NRCAM: variants seen among roughly 807,000 people sequenced by gnomAD.
NRCAM encodes the protein NgCAM-related cell adhesion molecule.
A neutral mutation model predicts 156.5 loss-of-function variants in NRCAM; 83 were observed. The observed-to-expected ratio is 0.53, with a 90% CI of 0.44 to 0.64. The LOEUF (loss-of-function observed/expected upper bound fraction) is 0.64, where lower values mean the gene tolerates loss of function less well. Ranked by LOEUF, NRCAM falls within the 30% of genes least tolerant of loss-of-function variation. The probability of loss-of-function intolerance (pLI) is 0.00; values close to 1 mark genes in which losing one functional copy is unlikely to be tolerated. For missense variants in NRCAM, 1,417 were observed against 1,597.3 expected (o/e 0.89, Z 1.92); for synonymous variants, 538 against 563.9 (o/e 0.95, Z 0.65).
intron 2 of NRCAM, among the ~76,000 whole-genome samples, chr7:108,331,374 C>G (rs756718289): frequency 4.6e-5 from 7 of 152,092 alleles, no homozygotes; most frequent in South Asian, 4.2e-4. Flanking sequence ...GTACTCCATC[C>G]TGGGCAACAG....
intron 3 of NRCAM, among the ~76,000 whole-genome samples, chr7:108,259,707 G>A (rs773963402): frequency 9.9e-5 from 15 of 152,190 alleles, no homozygotes. Flanking sequence ...CATGGATGGA[G>A]CTGGAAGCCA....
chr7:108,239,549 G>C (rs577132814), intron 4 of NRCAM, among the ~76,000 whole-genome samples: 1 of 152,134 alleles, frequency 6.6e-6, no homozygotes. Flanking sequence ...CATATGACGG[G>C]AAAGAGTAAA....
rs755368509 is a variant in NRCAM at position 108,182,695 on chromosome 7, G to C, written c.2530C>G (p.Leu844Val). 6.2e-7 allele frequency: 1 copy of C among 1,613,342 alleles called. No homozygotes were observed. The highest frequency in any genetic ancestry group is 1.1e-5 in the South Asian group (1 of 91,038). The change falls in exon 23 of 33, where the codon CTC becomes GTC. Residue 844 changes from leucine to valine, a missense_variant and splice_region_variant. Physicochemically the swap from Leu to Val is conservative, Grantham distance 32. Coordinates refer to ENST00000379028, the MANE Select transcript of NRCAM (RefSeq NM_001037132.4). ...AAAAGTAGGAAATGGCATCACTTAC[G>C]GTCTTCTCCAGAATGTCCCATGACT... ...AVVMGHSGED[L>V]PMVAPGNVRV...
rs561229497 is a variant in NRCAM at position 108,387,548 on chromosome 7, T to A, written c.-174+11888A>T. ...GTAGGTATTTTTATCCTAGTTTTTTTAAAATTTATTTATTTATTTACTTTT... is the reference window on the plus strand; with the variant it reads ...GTAGGTATTTTTATCCTAGTTTTTTAAAAATTTATTTATTTATTTACTTTT... On this transcript the variant is annotated intron_variant, in intron 2 of 32. Coordinates refer to ENST00000379028, the MANE Select transcript of NRCAM (RefSeq NM_001037132.4). Among the ~76,000 whole-genome samples, 28 of 152,270 alleles carry A rather than the reference T, an allele frequency of 1.8e-4. 2 individuals carry two copies. The highest frequency in any genetic ancestry group is 5.2e-4 in the Admixed American group (8 of 15,278).
intron 23 of NRCAM, 61 bp from the exon 24 acceptor site, chr7:108,181,998 T>C (rs906712529): frequency 7.9e-7 from 1 of 1,264,806 alleles, no homozygotes; most frequent in Non-Finnish European, 1.1e-6. Flanking sequence ...CATCCATAAA[T>C]ATGACTCTCT....
Position 108,368,755 on chromosome 7 carries a change from T to C in NRCAM, c.-174+30681A>G, listed in dbSNP as rs138027210. Among the ~76,000 whole-genome samples, 27 of 151,992 alleles carry C rather than the reference T, an allele frequency of 1.8e-4. No homozygotes were observed. In the East Asian group the frequency reaches 3.5e-3, roughly 20 times the overall value. On this transcript the variant is annotated intron_variant, in intron 2 of 32. Coordinates refer to ENST00000379028, the MANE Select transcript of NRCAM (RefSeq NM_001037132.4). Reference sequence around the variant, plus strand: ...AAAAACAAGCGTGAAGTAGAGCAAATAGCATGAGAAACCGTATATTTCTGA... The same window carrying C: ...AAAAACAAGCGTGAAGTAGAGCAAACAGCATGAGAAACCGTATATTTCTGA...
intron 13 of NRCAM, among the ~76,000 whole-genome samples, chr7:108,206,233 A>G (rs2081078145): frequency 6.6e-6 from 1 of 152,240 alleles, no homozygotes; most frequent in African/African-American, 2.4e-5. Context: ...CCTTGATGGT[A>G]AGAAACAGAG....
At chr7:108,293,999 TC>T (rs2098395447) in intron 3 of NRCAM, among the ~76,000 whole-genome samples, 1 of 152,102 alleles carries the variant, frequency 6.6e-6, no homozygotes, top group Non-Finnish European at 1.5e-5. Context: ...TTTCTCATAC[TC>T]TTACTAGTTG....
intron 2 of NRCAM, among the ~76,000 whole-genome samples, chr7:108,344,000 C>A (rs137895584): frequency 6.6e-6 from 1 of 152,132 alleles, no homozygotes; most frequent in Non-Finnish European, 1.5e-5. Flanking sequence ...GACCCCTGGA[C>A]TGGCCTGCTA....
intron 2 of NRCAM, among the ~76,000 whole-genome samples, chr7:108,328,076 A>T (rs2099088850): frequency 6.6e-6 from 1 of 152,224 alleles, no homozygotes; most frequent in African/African-American, 2.4e-5. Flanking sequence ...GATGACAAAC[A>T]AACATACCAG....
intron 2 of NRCAM, among the ~76,000 whole-genome samples, chr7:108,345,342 A>G (rs1205992733): frequency 6.6e-6 from 1 of 152,212 alleles, no homozygotes; most frequent in Non-Finnish European, 1.5e-5. Context: ...CCAAAATCCC[A>G]TGGGAAGTGT....
chr7:108,338,838 T>G (rs2154265086), intron 2 of NRCAM, among the ~76,000 whole-genome samples: 1 of 152,352 alleles, frequency 6.6e-6, no homozygotes, highest in African/African-American at 2.4e-5. Context: ...AACAAGGGTG[T>G]AGCCTGAAAA....
At chr7:108,178,177 AT>A in intron 25 of NRCAM, 65 bp from the exon 26 acceptor site, 3 of 1,542,766 alleles carry the variant, frequency 1.9e-6, no homozygotes, top group Non-Finnish European at 2.7e-6. Flanking sequence ...TTAAATTGAC[AT>A]TTCACCGTGC....
chr7:108,438,555 G>A (rs1019601028), intron 1 of NRCAM, among the ~76,000 whole-genome samples: 3 of 152,068 alleles, frequency 2.0e-5, no homozygotes, highest in African/African-American at 7.2e-5. Context: ...TACCTAATAT[G>A]AAAGGGTGAA....
At chr7:108,390,122 G>T (rs772462121) in intron 2 of NRCAM, among the ~76,000 whole-genome samples, 24 of 152,152 alleles carry the variant, frequency 1.6e-4, no homozygotes, top group Non-Finnish European at 2.8e-4. Flanking sequence ...AGTTTCAGAA[G>T]GAATGGTACC....
intron 1 of NRCAM, among the ~76,000 whole-genome samples, chr7:108,449,364 C>A (rs150514774): frequency 0.015 from 2,337 of 152,246 alleles, 33 homozygotes; most frequent in South Asian, 0.027. Context: ...TGACCCAGCT[C>A]CCCCCTCCCT....
chr7:108,432,926 AGAGGAGAAAGAGAAAGAGAAG>A lies in NRCAM; in HGVS notation c.-332+23296_-332+23316del, dbSNP rs1298694440. Among the ~76,000 whole-genome samples, 10 of 94,374 alleles carry A rather than the reference AGAGGAGAAAGAGAAAGAGAAG, an allele frequency of 1.1e-4. No individual in the cohort carries two copies. In the South Asian group the frequency reaches 2.9e-3, roughly 27 times the overall value. 61.9% of individuals were successfully genotyped at this position (94,374 alleles called of 152,430 possible). On this transcript the variant is annotated intron_variant, in intron 1 of 32. Coordinates refer to ENST00000379028, the MANE Select transcript of NRCAM (RefSeq NM_001037132.4). ...GAGAGAGAGAGAAAGAGAAAGAGAAAGAGGAGAAAGAGAAAGAGAAGGAGAAGGAGAAGGAGGAGAAAGAGA... is the reference window on the plus strand; with the variant it reads ...GAGAGAGAGAGAAAGAGAAAGAGAAAGAGAAGGAGAAGGAGGAGAAAGAGA...
At chr7:108,168,145 T>C in intron 29 of NRCAM, 132 bp downstream of exon 29, 1 of 967,574 alleles carries the variant, frequency 1.0e-6, no homozygotes, top group East Asian at 3.2e-5. Context: ...ATAATTTTTT[T>C]AGATAACTCA....
intron 1 of NRCAM, among the ~76,000 whole-genome samples, chr7:108,427,668 C>CAA (rs1179989946): frequency 6.6e-6 from 1 of 152,078 alleles, no homozygotes; most frequent in Non-Finnish European, 1.5e-5. Context: ...ATAAATACTT[C>CAA]AAAAAAGAGA....
Sources: gnomAD v4.1 joint callset for allele counts (sites outside exome capture counted in the v4.1 genomes callset) on GRCh38, gnomAD v4.1.1 for gene constraint, MANE v1.5 for transcripts, NCBI Gene and HGNC (gene_info 2026-07-23, HGNC 2026-07-21) for gene names.